HEPACAM2: variants seen among roughly 807,000 people sequenced by gnomAD.
HEPACAM2 encodes HEPACAM family member 2.
In HEPACAM2, 49 loss-of-function variants were observed where a neutral mutation model predicts 49.6. The ratio of observed to expected loss-of-function variants is 0.99; its 90% CI spans 0.78 to 1.25. The LOEUF is 1.25. Ranked by LOEUF, HEPACAM2 falls within the 50% of genes most tolerant of loss-of-function variation. The pLI is 0.00. For missense variants in HEPACAM2, 525 were observed against 557.2 expected, an observed-to-expected ratio of 0.94 and a Z score of 0.58; for synonymous variants, 197 against 202.9, an observed-to-expected ratio of 0.97 and a Z score of 0.25.
At chr7:93,194,658 A>G (rs1793640190) in intron 8 of HEPACAM2, among the ~76,000 whole-genome samples, 1 of 152,056 alleles carries the variant, frequency 6.6e-6, no homozygotes. Context: ...TACTAGATGA[A>G]CCTTATACAC....
At chr7:93,207,067 C>T (rs2116677029) in intron 4 of HEPACAM2, among the ~76,000 whole-genome samples, 1 of 152,148 alleles carries the variant, frequency 6.6e-6, no homozygotes, top group South Asian at 2.1e-4. Context: ...ACATTTTTAG[C>T]GACCTCCCTA....
intron 1 of HEPACAM2, among the ~76,000 whole-genome samples, chr7:93,222,146 T>TA (rs1408276387): frequency 2.0e-5 from 3 of 152,136 alleles, no homozygotes; most frequent in Non-Finnish European, 4.4e-5. Flanking sequence ...GTGAAACTCT[T>TA]AAAGTCATAG....
chr7:93,215,554 G>T lies in HEPACAM2; in HGVS notation c.562C>A (p.Pro188Thr). 14 of 1,613,720 alleles carry T rather than the reference G, an allele frequency of 8.7e-6. No individual in the cohort carries two copies. The highest frequency in any genetic ancestry group is 1.7e-4 in the Middle Eastern group (1 of 6,060). The change falls in exon 3 of 10, where the codon CCT (proline) becomes ACT (threonine). Residue 188 changes from proline to threonine, a missense_variant. Coordinates refer to ENST00000394468, the MANE Select transcript of HEPACAM2 (RefSeq NM_001039372.4). Reference protein sequence around the residue: ...LAYQWLKNGRPVHTSSTYSFS... With the variant: ...LAYQWLKNGRTVHTSSTYSFS... Reference sequence around the variant, plus strand: ...GAGTAGGTGGAGCTGGTGTGGACAGGTCTCCCATTTTTTAGCCATTGGTAA... The same window carrying T: ...GAGTAGGTGGAGCTGGTGTGGACAGTTCTCCCATTTTTTAGCCATTGGTAA...
intron 1 of HEPACAM2, among the ~76,000 whole-genome samples, chr7:93,225,449 C>T (rs1406969108): frequency 2.6e-5 from 4 of 152,002 alleles, no homozygotes; most frequent in Admixed American, 6.6e-5. Flanking sequence ...ATAACATTTA[C>T]AATGCAAACT....
At chr7:93,204,283 C>T (rs577170503) in intron 4 of HEPACAM2, among the ~76,000 whole-genome samples, 1 of 152,058 alleles carries the variant, frequency 6.6e-6, no homozygotes, top group African/African-American at 2.4e-5. Flanking sequence ...TAAATGTGAA[C>T]ATTTGAATAC....
chr7:93,214,681 C>T (rs1794258611), intron 3 of HEPACAM2, among the ~76,000 whole-genome samples: 1 of 152,124 alleles, frequency 6.6e-6, no homozygotes, highest in Non-Finnish European at 1.5e-5. Context: ...ATGGTTTTCT[C>T]TCCCATTTTT....
chr7:93,204,936 C>T (rs766133765), intron 4 of HEPACAM2, among the ~76,000 whole-genome samples: 1 of 151,936 alleles, frequency 6.6e-6, no homozygotes, highest in Non-Finnish European at 1.5e-5. Context: ...CTCATCTCTA[C>T]TAAAAATACA....
chr7:93,220,232 TTAGACC>T (rs1204085999), intron 1 of HEPACAM2, among the ~76,000 whole-genome samples: 1 of 152,188 alleles, frequency 6.6e-6, no homozygotes, highest in East Asian at 1.9e-4. Flanking sequence ...AAATGTTTTA[TTAGACC>T]TAGTCTAGCT....
upstream of HEPACAM2, among the ~76,000 whole-genome samples, chr7:93,227,711 TAAC>T (rs964078645): frequency 3.3e-5 from 5 of 152,130 alleles, no homozygotes; most frequent in African/African-American, 1.2e-4. Context: ...TGCAAAATAA[TAAC>T]AATGCCACAA....
chr7:93,217,655 T>C (rs576135320), intron 2 of HEPACAM2, among the ~76,000 whole-genome samples: 9 of 152,196 alleles, frequency 5.9e-5, no homozygotes, highest in Admixed American at 1.3e-4. Flanking sequence ...AATCTACTAG[T>C]GGTCAGCAAA....
At chr7:93,219,658 T>G in intron 1 of HEPACAM2, 1 of 785,950 alleles carries the variant, frequency 1.3e-6, no homozygotes, top group Non-Finnish European at 1.9e-6. Context: ...CCAAAGACCG[T>G]GCTGGTTGCA....
At chr7:93,207,694 A>G (rs1794063703) in intron 4 of HEPACAM2, among the ~76,000 whole-genome samples, 1 of 151,948 alleles carries the variant, frequency 6.6e-6, no homozygotes, top group African/African-American at 2.4e-5. Context: ...ATTCACTTAA[A>G]TAGGCAATAC....
chr7:93,225,960 A>G, intron 1 of HEPACAM2: 1 of 1,291,230 alleles, frequency 7.7e-7, no homozygotes, highest in Non-Finnish European at 1.0e-6. Context: ...ATCTTTAATT[A>G]AAAAGAAAAC....
At chr7:93,225,973 T>C in intron 1 of HEPACAM2, 5 of 1,165,956 alleles carry the variant, frequency 4.3e-6, no homozygotes, top group Middle Eastern at 2.1e-4. Context: ...AAGAAAACAA[T>C]TTTCGTAAAT....
At chr7:93,191,212 AT>A (rs143239256) in intron 9 of HEPACAM2, among the ~76,000 whole-genome samples, 4 of 151,024 alleles carry the variant, frequency 2.6e-5, no homozygotes, top group South Asian at 2.1e-4. Flanking sequence ...GCTTTACAAC[AT>A]TTTTTTTTCA....
intron 1 of HEPACAM2, among the ~76,000 whole-genome samples, chr7:93,221,958 T>G (rs1261415645): frequency 6.6e-6 from 1 of 152,126 alleles, no homozygotes; most frequent in Non-Finnish European, 1.5e-5. Context: ...TTTGAGTGAT[T>G]AGAAAAAGAG....
chr7:93,214,299 A>G (rs1794249687), intron 3 of HEPACAM2, among the ~76,000 whole-genome samples: 1 of 152,210 alleles, frequency 6.6e-6, no homozygotes, highest in Non-Finnish European at 1.5e-5. Context: ...TTTGAAAGTA[A>G]AAATAGTGAA....
intron 9 of HEPACAM2, 61 bp from the exon 10 acceptor site, chr7:93,189,331 A>G: frequency 8.1e-7 from 1 of 1,241,174 alleles, no homozygotes; most frequent in Non-Finnish European, 1.1e-6. Context: ...TCTGCAGGTA[A>G]AAGAACTTTA....
Position 93,197,484 on chromosome 7 carries a change from C to A in HEPACAM2, c.1138+1G>T. The A allele has an allele frequency of 3.2e-6, 5 of 1,585,666 alleles. No individual in the cohort carries two copies. The highest frequency in any genetic ancestry group is 1.8e-5 in the Admixed American group (1 of 55,784). On this transcript the variant is annotated splice_donor_variant, in intron 5 of 9. Transcript: ENST00000394468. LOFTEE classifies it high-confidence loss of function. ...ATTTTTTTTTTGTAATTTTAACCTA[C>A]CTTTGTAGGGTTGATATTTTTTCCA...
Sources: allele counts gnomAD v4.1 joint callset (sites outside exome capture counted in the v4.1 genomes callset), GRCh38; gene constraint gnomAD v4.1.1; transcripts MANE v1.5; gene names NCBI Gene and HGNC (gene_info 2026-07-23, HGNC 2026-07-21).